Variants in MPP1 observed in about 807,000 individuals in gnomAD.
MPP1 encodes the protein 55 kDa erythrocyte membrane protein.
Under a neutral mutation model 38.2 loss-of-function variants are expected in MPP1, and 6 were observed. The ratio of observed to expected loss-of-function variants is 0.16; its 90% CI spans 0.09 to 0.31. The LOEUF (loss-of-function observed/expected upper bound fraction) is 0.31. MPP1 is among the 10% of genes least tolerant of loss of function. The pLI, the probability that MPP1 is intolerant of heterozygous loss-of-function variation, is 1.00. For synonymous variants in MPP1, 153 were observed against 146.3 expected (o/e 1.05, Z -0.33); for missense variants, 293 against 368.9 (o/e 0.79, Z 1.69).
chrX:154,803,632 A>T (rs782392040), intron 1 of MPP1, among the ~76,000 whole-genome samples: 95 of 112,626 alleles, frequency 8.4e-4, no homozygotes, highest in Non-Finnish European at 1.5e-3. Flanking sequence ...ATCTATAGTG[A>T]CAGATCAGTG....
At chrX:154,798,895 C>T (rs1299692295) in intron 1 of MPP1, among the ~76,000 whole-genome samples, 1 of 110,405 alleles carries the variant, frequency 9.1e-6, no homozygotes, top group Admixed American at 9.6e-5. Context: ...CCACCACGCC[C>T]GGCTAATTTT....
At chrX:154,793,594 T>C (rs1447920877) in intron 1 of MPP1, among the ~76,000 whole-genome samples, 4 of 112,121 alleles carry the variant, frequency 3.6e-5, no homozygotes, top group Non-Finnish European at 7.5e-5. Context: ...GGTGTGGCTA[T>C]ATGGGTGTCA....
intron 1 of MPP1, among the ~76,000 whole-genome samples, chrX:154,797,034 C>T (rs781799193): frequency 2.7e-5 from 3 of 111,901 alleles, no homozygotes; most frequent in South Asian, 7.4e-4. Flanking sequence ...GGCAACAGAG[C>T]GAGACTCTAT....
intron 9 of MPP1, 69 bp from the exon 10 acceptor site, chrX:154,781,871 G>T: frequency 9.5e-7 from 1 of 1,048,180 alleles, no homozygotes; most frequent in Non-Finnish European, 1.3e-6. Flanking sequence ...TTGGACCATG[G>T]TGTCTGTATG....
At chrX:154,802,692 A>T (rs2072280295) in intron 1 of MPP1, among the ~76,000 whole-genome samples, 1 of 112,217 alleles carries the variant, frequency 8.9e-6, no homozygotes, top group African/African-American at 3.2e-5. Flanking sequence ...AGAAAAAAAA[A>T]ATTAGTTTAT....
At chrX:154,790,962 T>C (rs1177529347) in intron 4 of MPP1, 21 bp downstream of exon 4, 19 of 1,190,966 alleles carry the variant, frequency 1.6e-5, no homozygotes, top group Non-Finnish European at 2.0e-5. Flanking sequence ...AAGGTCTTCA[T>C]CTAGCATAGA....
chrX:154,786,150 CTAAGT>C (rs2072069786), intron 6 of MPP1, 49 bp downstream of exon 6: 2 of 1,066,500 alleles, frequency 1.9e-6, no homozygotes, highest in African/African-American at 1.9e-5. Flanking sequence ...TTTTCTGAAG[CTAAGT>C]TATTTGTGGC....
rs199536888 is a variant in MPP1, at chrX:154,789,974, T to C, written c.460A>G (p.Ser154Gly). The change falls in exon 5 of 12, where the codon AGC (serine) becomes GGC (glycine). Residue 154 changes from serine (S) to glycine (G), a missense_variant. Transcript: ENST00000369534. ...ISLKVIPNQQSRLPALQMFMR... is the reference protein window; with the variant it reads ...ISLKVIPNQQGRLPALQMFMR... ...CCCACCTGTAGTGCAGGAAGACGGC[T>C]TTGCTGGTTGGGAATTACTTTTAAT... The C allele has an allele frequency of 2.7e-5, 33 of 1,203,509 alleles. 1 individual carries two copies. Among genetic ancestry groups the C allele is most frequent in the Non-Finnish European group, 2.6e-5 (23 of 890,544 alleles).
chrX:154,783,610 T>C (rs2072035074), intron 8 of MPP1, 103 bp from the exon 9 acceptor site: 1 of 671,234 alleles, frequency 1.5e-6, no homozygotes, highest in Non-Finnish European at 2.3e-6. Context: ...CAGGTGAACA[T>C]GAGTTGGGGT....
rs904105631 is a variant in MPP1, at chrX:154,792,422, C to G, written c.103-137G>C. 1.8e-5 allele frequency: 13 copies of G among 740,137 alleles called. No homozygotes were observed. The Admixed American group carries it at 1.8e-4, about 10-fold the overall frequency. The allele number at this position is 740,137 out of a possible 1,213,427, so 61.0% of individuals were successfully genotyped here. On this transcript the variant is annotated intron_variant, in intron 1 of 11. Transcript: ENST00000369534. ...TTGGCCTCATTCTTATTTGAATTGA[C>G]ATGAAGCTGTTTGTAAGCTTTATTT...
chrX:154,788,521 T>C (rs1233879399), intron 5 of MPP1, among the ~76,000 whole-genome samples: 2 of 111,914 alleles, frequency 1.8e-5, no homozygotes, highest in Admixed American at 9.5e-5. Context: ...TTGGTGAGAA[T>C]ACAGAACAAC....
rs143824239 is a variant in MPP1 at position 154,792,207 on chromosome X, C to A, written c.181G>T (p.Val61Phe). 368 of 1,210,227 alleles carry A rather than the reference C, an allele frequency of 3.0e-4. No individual in the cohort carries two copies. In the African/African-American group the frequency reaches 6.0e-3, roughly 20 times the overall value. ...ACTTTCCGCACCTCCTGTCCCTTGA[C>A]CTGGGCAGGGCTACCTGGGGCAGGA... ...GSPAPGSPAQ[V>F]KGQEVRKVRL... Residue 61 changes from valine to phenylalanine, a missense_variant, in exon 2 of 12, where the codon GTC (valine) becomes TTC (phenylalanine). Physicochemically the swap from Val to Phe is conservative, Grantham distance 50. Transcript: ENST00000369534.
intron 5 of MPP1, among the ~76,000 whole-genome samples, chrX:154,789,291 G>A (rs1214489950): frequency 1.8e-5 from 2 of 111,336 alleles, no homozygotes; most frequent in Non-Finnish European, 3.8e-5. Flanking sequence ...TCCTCTACTG[G>A]CTGATGAGCT....
rs782671572 is a variant in MPP1 at position 154,781,790 on chromosome X, G to A, written c.959C>T (p.Pro320Leu). 2.8e-5 allele frequency: 34 copies of A among 1,209,227 alleles called. No homozygotes were observed. The highest frequency in any genetic ancestry group is 3.5e-5 in the South Asian group (2 of 56,787). ...CCCATCTTCCTCACTCTTCCTTGGC[G>A]GCCGTGTTGTATCTGTGTACAAGAA... ...FVYPVPYTTR[P>L]PRKSEEDGKE... Residue 320 changes from proline (P) to leucine (L), a missense_variant, in exon 10 of 12, where the codon CCG (proline) becomes CTG (leucine). Physicochemically the swap from Pro to Leu is moderately conservative, Grantham distance 98. Coordinates refer to ENST00000369534, the MANE Select transcript of MPP1 (RefSeq NM_002436.4).
At chrX:154,798,561 A>G (rs1488432385) in intron 1 of MPP1, among the ~76,000 whole-genome samples, 3 of 111,836 alleles carry the variant, frequency 2.7e-5, no homozygotes, top group Admixed American at 9.5e-5. Flanking sequence ...CATTCCTAAA[A>G]TGACAAAATC....
At chrX:154,796,824 A>G (rs2072203233) in intron 1 of MPP1, among the ~76,000 whole-genome samples, 1 of 111,720 alleles carries the variant, frequency 9.0e-6, no homozygotes, top group African/African-American at 3.3e-5. Context: ...GTTCTGTTAC[A>G]AAGTGGGGAG....
Position 154,792,237 on chromosome X carries a change from C to T in MPP1, c.151G>A (p.Gly51Arg), listed in dbSNP as rs1569558925. Residue 51 changes from glycine (G) to arginine (R), a missense_variant, in exon 2 of 12, where the codon GGG (glycine) becomes AGG (arginine). Gly to Arg is a moderately radical substitution (Grantham distance 125). Coordinates refer to ENST00000369534, the MANE Select transcript of MPP1 (RefSeq NM_002436.4). ...GCAGGGCTACCTGGGGCAGGAGACC[C>T]GTTGGTGTACATGTCCTCGGTCACA... is the stretch of plus-strand genomic sequence containing the variant. The part of the protein sequence containing the change: ...NTVTEDMYTN[G>R]SPAPGSPAQV... 7 of 1,211,783 alleles carry T rather than the reference C, an allele frequency of 5.8e-6. No individual in the cohort carries two copies. Among genetic ancestry groups the T allele is most frequent in the Admixed American group, 2.2e-5 (1 of 46,074 alleles).
Position 154,779,145 on chromosome X carries a change from G to A in MPP1, c.*32C>T, listed in dbSNP as rs1339982229. The stretch of plus-strand genomic sequence containing the variant: ...GGGTGGAATTCCAAATGCTGGAGAG[G>A]GGCATACAGTGGGTTCCCCCATTCT... On this transcript the variant is annotated 3_prime_UTR_variant, in exon 12 of 12. Coordinates refer to ENST00000369534, the MANE Select transcript of MPP1 (RefSeq NM_002436.4). 10 of 1,180,070 alleles carry A rather than the reference G, an allele frequency of 8.5e-6. No homozygotes were observed. Among genetic ancestry groups the A allele is most frequent in the Middle Eastern group, 2.5e-4 (1 of 3,993 alleles).
chrX:154,800,870 C>T (rs782220165), intron 1 of MPP1, among the ~76,000 whole-genome samples: 5 of 112,189 alleles, frequency 4.5e-5, no homozygotes, highest in Non-Finnish European at 7.5e-5. Context: ...GAAAATAAAG[C>T]AGAAAAGGCC....
Sources: allele counts gnomAD v4.1 joint callset (sites outside exome capture counted in the v4.1 genomes callset), GRCh38; gene constraint gnomAD v4.1.1; transcripts MANE v1.5; gene names NCBI Gene and HGNC (gene_info 2026-07-23, HGNC 2026-07-21).